EDAR: variants seen among roughly 807,000 people sequenced by gnomAD.
EDAR encodes the protein ectodysplasin A receptor.
A neutral mutation model predicts 51.3 loss-of-function variants in EDAR; 38 were observed. The observed-to-expected ratio is 0.74, with a 90% confidence interval of 0.57 to 0.97. The LOEUF (loss-of-function observed/expected upper bound fraction) is 0.97, where lower values mean the gene tolerates loss of function less well. Ranked by LOEUF, EDAR falls within the 50% of genes least tolerant of loss-of-function variation. EDAR has a pLI of 0.00. For missense variants in EDAR, 528 were observed against 595.0 expected (o/e 0.89, Z 1.17); for synonymous variants, 227 against 242.1 (o/e 0.94, Z 0.58).
Position 108,931,049 on chromosome 2 carries a change from A to G in EDAR, c.-18-17T>C, listed in dbSNP as rs764496036. The stretch of plus-strand genomic sequence containing the variant: ...AGGGCTCACCTGAAAGACATGCGTC[A>G]TTAGCTGGGCACTGGCGGTAGCACC... On this transcript the variant is annotated splice_polypyrimidine_tract_variant and intron_variant, in intron 1 of 11. Transcript: ENST00000258443. 4 of 1,612,444 alleles carry G rather than the reference A, an allele frequency of 2.5e-6. No individual in the cohort carries two copies. The highest frequency in any genetic ancestry group is 1.7e-6 in the Non-Finnish European group (2 of 1,178,588).
chr2:108,904,314 A>C (rs918534666), intron 11 of EDAR, among the ~76,000 whole-genome samples: 9 of 152,214 alleles, frequency 5.9e-5, no homozygotes, highest in African/African-American at 2.2e-4. Context: ...ACACCACCAA[A>C]TGCTGGCAAG....
intron 11 of EDAR, among the ~76,000 whole-genome samples, chr2:108,905,605 G>A (rs558249390): frequency 1.3e-5 from 2 of 152,234 alleles, no homozygotes; most frequent in Middle Eastern, 3.4e-3. Flanking sequence ...CCCGCTGCCC[G>A]GCCAGATCAA....
intron 11 of EDAR, among the ~76,000 whole-genome samples, chr2:108,902,626 A>C (rs1421244730): frequency 6.6e-6 from 1 of 152,228 alleles, no homozygotes; most frequent in Non-Finnish European, 1.5e-5. Context: ...ATATAAATGC[A>C]AAATCCTTAA....
At chr2:108,976,314 T>G (rs1438630940) in intron 1 of EDAR, among the ~76,000 whole-genome samples, 2 of 152,186 alleles carry the variant, frequency 1.3e-5, no homozygotes, top group East Asian at 3.8e-4. Context: ...GTTTTTCTCG[T>G]GACAGACTGG....
At chr2:108,929,908 G>A (rs1697331882) in intron 3 of EDAR, among the ~76,000 whole-genome samples, 1 of 152,212 alleles carries the variant, frequency 6.6e-6, no homozygotes, top group Non-Finnish European at 1.5e-5. Flanking sequence ...CAGAACTCCT[G>A]AAAAATCTGT....
chr2:108,925,313 CA>C (rs1697231789), intron 4 of EDAR, among the ~76,000 whole-genome samples: 1 of 152,240 alleles, frequency 6.6e-6, no homozygotes, highest in Non-Finnish European at 1.5e-5. Flanking sequence ...ACAGAGGCCC[CA>C]AAAGGCCTCT....
intron 1 of EDAR, among the ~76,000 whole-genome samples, chr2:108,959,134 A>G (rs1697987283): frequency 6.6e-6 from 1 of 152,264 alleles, no homozygotes; most frequent in Non-Finnish European, 1.5e-5. Flanking sequence ...TGGAACAGCT[A>G]GAATCGTGAC....
chr2:108,972,985 T>C (rs1465396565), intron 1 of EDAR, among the ~76,000 whole-genome samples: 1 of 152,220 alleles, frequency 6.6e-6, no homozygotes, highest in East Asian at 1.9e-4. Context: ...TTATTTATTT[T>C]AATTGAATTT....
chr2:108,987,737 C>G (rs568155088), intron 1 of EDAR, among the ~76,000 whole-genome samples: 66 of 152,298 alleles, frequency 4.3e-4, no homozygotes, highest in African/African-American at 1.6e-3. Flanking sequence ...CCACCAGGAT[C>G]GCCAAACTTT....
chr2:108,966,592 C>G (rs910590414), intron 1 of EDAR, among the ~76,000 whole-genome samples: 2 of 152,200 alleles, frequency 1.3e-5, no homozygotes, highest in African/African-American at 4.8e-5. Flanking sequence ...TCAGAGAGTT[C>G]TACGGTGCCC....
intron 1 of EDAR, among the ~76,000 whole-genome samples, chr2:108,931,759 A>T (rs1461937163): frequency 1.3e-5 from 2 of 151,236 alleles, no homozygotes; most frequent in Admixed American, 1.3e-4. Flanking sequence ...TCACTTTCTG[A>T]ATGGAGACCT....
chr2:108,916,473 A>C (rs1697029934), intron 5 of EDAR, among the ~76,000 whole-genome samples: 1 of 152,110 alleles, frequency 6.6e-6, no homozygotes, highest in African/African-American at 2.4e-5. Context: ...TGACGTCCCC[A>C]AACAATGCCT....
At chr2:108,966,150 AG>A (rs1180395113) in intron 1 of EDAR, among the ~76,000 whole-genome samples, 1 of 152,154 alleles carries the variant, frequency 6.6e-6, no homozygotes, top group African/African-American at 2.4e-5. Context: ...CCAACTTTGA[AG>A]CAAGCCTCTC....
chr2:108,898,996 T>C (rs1212938104), intron 11 of EDAR, among the ~76,000 whole-genome samples: 2 of 152,196 alleles, frequency 1.3e-5, no homozygotes, highest in Non-Finnish European at 2.9e-5. Flanking sequence ...AGAGTGGGAC[T>C]AAATAAATAC....
At chr2:108,942,794 G>A (rs1210823694) in intron 1 of EDAR, among the ~76,000 whole-genome samples, 2 of 152,256 alleles carry the variant, frequency 1.3e-5, no homozygotes, top group Admixed American at 1.3e-4. Flanking sequence ...AACTTCAGGA[G>A]GAGGCGCGCT....
intron 11 of EDAR, among the ~76,000 whole-genome samples, chr2:108,905,179 G>T (rs1461808170): frequency 6.6e-6 from 1 of 152,180 alleles, no homozygotes; most frequent in Non-Finnish European, 1.5e-5. Context: ...TGACTCTAAT[G>T]TTCATCAGAG....
At chr2:108,957,737 C>T (rs1218041579) in intron 1 of EDAR, among the ~76,000 whole-genome samples, 1 of 152,226 alleles carries the variant, frequency 6.6e-6, no homozygotes, top group Non-Finnish European at 1.5e-5. Flanking sequence ...AGAAGCCTCA[C>T]AATCCATGTT....
At chr2:108,903,827 A>G (rs1395611494) in intron 11 of EDAR, among the ~76,000 whole-genome samples, 1 of 152,232 alleles carries the variant, frequency 6.6e-6, no homozygotes, top group Non-Finnish European at 1.5e-5. Context: ...AATGTAAAAC[A>G]TTAAGCTATA....
intron 1 of EDAR, among the ~76,000 whole-genome samples, chr2:108,946,747 T>A (rs1189183238): frequency 2.0e-5 from 3 of 152,134 alleles, no homozygotes; most frequent in Non-Finnish European, 4.4e-5. Flanking sequence ...CTCACTATCA[T>A]GAGAACATCA....
Sources: allele counts gnomAD v4.1 joint callset (sites outside exome capture counted in the v4.1 genomes callset), GRCh38; gene constraint gnomAD v4.1.1; transcripts MANE v1.5; gene names NCBI Gene and HGNC (gene_info 2026-07-23, HGNC 2026-07-21).